The following GRAMD1C variants were observed in gnomAD, a reference collection of about 807,000 sequenced individuals.
GRAMD1C encodes the protein protein Aster-C.
Under a neutral mutation model 97.8 loss-of-function variants are expected in GRAMD1C, and 89 were observed. The ratio of observed to expected loss-of-function variants is 0.91; its 90% CI spans 0.77 to 1.09. GRAMD1C has a LOEUF of 1.09. Ranked by LOEUF, GRAMD1C falls within the 50% of genes least tolerant of loss-of-function variation. The probability of loss-of-function intolerance (pLI) is 0.00; values close to 1 mark genes in which losing one functional copy is unlikely to be tolerated. For missense variants in GRAMD1C, 740 were observed against 766.4 expected (o/e 0.97, Z 0.41); for synonymous variants, 256 against 267.0 (o/e 0.96, Z 0.40).
chr3:113,886,173 G>A, intron 6 of GRAMD1C: 1 of 1,443,168 alleles, frequency 6.9e-7, no homozygotes, highest in South Asian at 1.4e-5. Flanking sequence ...TCTGCCCTGG[G>A]AGCCCTACAC....
In GRAMD1C at chr3:113,930,794, C is replaced by T. The variant is rs762193462; in HGVS notation, c.1171C>T (p.Pro391Ser). Reference protein sequence around the residue: ...TMTYTIVLNSPLTGKCTAATE... With the variant: ...TMTYTIVLNSSLTGKCTAATE... ...GACCTACACTATAGTCCTTAATAGT[C>T]CACTTACTGGAAAATGCACTGCTGC... Residue 391 changes from proline (P) to serine (S), a missense_variant, in exon 11 of 18, where the codon CCA (proline) becomes TCA (serine). Coordinates refer to ENST00000358160, the MANE Select transcript of GRAMD1C (RefSeq NM_017577.5). The T allele has an allele frequency of 1.2e-6, 2 of 1,609,206 alleles. No homozygotes were observed. Among genetic ancestry groups the T allele is most frequent in the Admixed American group, 1.7e-5 (1 of 60,004 alleles).
intron 1 of GRAMD1C, among the ~76,000 whole-genome samples, chr3:113,843,383 C>G (rs1359247572): frequency 6.6e-6 from 1 of 151,866 alleles, no homozygotes; most frequent in Non-Finnish European, 1.5e-5. Flanking sequence ...GGCCCATATG[C>G]TTTTATAATG....
At chr3:113,831,018 G>A (rs1709550609) in intron 1 of GRAMD1C, among the ~76,000 whole-genome samples, 1 of 152,172 alleles carries the variant, frequency 6.6e-6, no homozygotes, top group Non-Finnish European at 1.5e-5. Flanking sequence ...GAACCCAAGA[G>A]GCAGAGGTTG....
intron 2 of GRAMD1C, among the ~76,000 whole-genome samples, chr3:113,857,264 C>T (rs148788071): frequency 1.3e-5 from 2 of 152,216 alleles, no homozygotes; most frequent in African/African-American, 4.8e-5. Flanking sequence ...GACATTCTTG[C>T]CTTTTTTCTG....
intron 10 of GRAMD1C, chr3:113,920,079 A>G: frequency 1.7e-6 from 2 of 1,193,738 alleles, no homozygotes; most frequent in South Asian, 2.6e-5. Context: ...AGGTACTTCA[A>G]ACAGCAGGAG....
At chr3:113,870,676 C>A (rs1266245103) in intron 3 of GRAMD1C, among the ~76,000 whole-genome samples, 1 of 151,832 alleles carries the variant, frequency 6.6e-6, no homozygotes, top group African/African-American at 2.4e-5. Context: ...GTGCTTATTC[C>A]AGTATATCAC....
intron 10 of GRAMD1C, among the ~76,000 whole-genome samples, chr3:113,922,775 T>C (rs1382616313): frequency 1.3e-5 from 2 of 152,240 alleles, no homozygotes; most frequent in Admixed American, 1.3e-4. Flanking sequence ...TTTGGTTCTG[T>C]ATGAATTTTA....
intron 6 of GRAMD1C, chr3:113,890,806 G>A (rs1362162884): frequency 1.5e-6 from 1 of 689,056 alleles, no homozygotes; most frequent in East Asian, 2.7e-5. Context: ...CCAGGGAAGT[G>A]ATAAAGTTCA....
intron 10 of GRAMD1C, among the ~76,000 whole-genome samples, chr3:113,926,976 G>A (rs1937251546): frequency 6.6e-6 from 1 of 152,184 alleles, no homozygotes; most frequent in Non-Finnish European, 1.5e-5. Context: ...GGTGGTGGCA[G>A]TAGGATCTGT....
rs1467523315 is a variant in GRAMD1C, at chr3:113,910,832, G to A, written c.952+1712G>A. On this transcript the variant is annotated intron_variant, in intron 9 of 17. Coordinates refer to ENST00000358160, the MANE Select transcript of GRAMD1C (RefSeq NM_017577.5). ...ACTGGAGGGACGATCCCCCCTGGAG[G>A]AGAACCAGCTTCTGTGGGCACCTAG... Among the ~76,000 whole-genome samples the A allele has an allele frequency of 3.3e-5, 5 of 152,140 alleles. No homozygotes were observed. In the East Asian group the frequency reaches 9.6e-4, roughly 29 times the overall value.
chr3:113,850,529 G>A, intron 2 of GRAMD1C: 3 of 1,592,282 alleles, frequency 1.9e-6, no homozygotes, highest in Non-Finnish European at 2.6e-6. Context: ...TAAGGTACCA[G>A]TAGAAATGTC....
At chr3:113,844,259 A>G (rs1245895153) in intron 1 of GRAMD1C, among the ~76,000 whole-genome samples, 1 of 152,072 alleles carries the variant, frequency 6.6e-6, no homozygotes. Flanking sequence ...GGGCCATTAC[A>G]CTCCAGTCTG....
chr3:113,839,076 A>C, intron 1 of GRAMD1C, 140 bp downstream of exon 1: 1 of 564,288 alleles, frequency 1.8e-6, no homozygotes, highest in Non-Finnish European at 2.6e-6. Context: ...TAATACGGAA[A>C]GTTGTTACCG....
chr3:113,923,073 G>A (rs1382592716), intron 10 of GRAMD1C, among the ~76,000 whole-genome samples: 1 of 151,674 alleles, frequency 6.6e-6, no homozygotes, highest in African/African-American at 2.4e-5. Context: ...TTGGCACTCA[G>A]CTTGGGTGTT....
At chr3:113,885,265 G>C in intron 6 of GRAMD1C, 4 of 1,295,318 alleles carry the variant, frequency 3.1e-6, no homozygotes, top group Non-Finnish European at 4.4e-6. Context: ...GGCCGTGGGG[G>C]CCTCCGGGGC....
intron 6 of GRAMD1C, among the ~76,000 whole-genome samples, chr3:113,892,288 A>G (rs910490474): frequency 6.6e-6 from 1 of 152,058 alleles, no homozygotes; most frequent in Non-Finnish European, 1.5e-5. Flanking sequence ...CCTGGCCAAC[A>G]TGTTGAAACC....
intron 2 of GRAMD1C, among the ~76,000 whole-genome samples, chr3:113,860,903 TTGCAGTGA>T (rs933787450): frequency 6.6e-6 from 1 of 150,834 alleles, no homozygotes; most frequent in Non-Finnish European, 1.5e-5. Flanking sequence ...GAGGCAGAGG[TTGCAGTGA>T]GCCGAGATCA....
intron 10 of GRAMD1C, among the ~76,000 whole-genome samples, chr3:113,924,615 C>T (rs1399243065): frequency 2.0e-5 from 3 of 152,148 alleles, no homozygotes; most frequent in South Asian, 2.1e-4. Flanking sequence ...ATTGTTATTG[C>T]ACTGTGGTCC....
intron 2 of GRAMD1C, among the ~76,000 whole-genome samples, chr3:113,849,300 TTTATTTA>T (rs1933752773): frequency 3.4e-5 from 5 of 148,902 alleles, no homozygotes; most frequent in South Asian, 2.1e-4. Flanking sequence ...TATTTATTTA[TTTATTTA>T]TTTTTTATTG....
Sources: allele counts gnomAD v4.1 joint callset (sites outside exome capture counted in the v4.1 genomes callset), GRCh38; gene constraint gnomAD v4.1.1; transcripts MANE v1.5; gene names NCBI Gene and HGNC (gene_info 2026-07-23, HGNC 2026-07-21).